The following TRPM3 variants were observed in gnomAD, a reference collection of about 807,000 sequenced individuals.
TRPM3 encodes transient receptor potential cation channel subfamily M member 3.
Under a neutral mutation model 181.2 loss-of-function variants are expected in TRPM3, and 77 were observed. The ratio of observed to expected loss-of-function variants is 0.42; its 90% CI spans 0.35 to 0.51. TRPM3 has a LOEUF of 0.51. TRPM3 is among the 20% of genes least tolerant of loss of function. TRPM3 has a pLI of 0.01. For synonymous variants in TRPM3, 745 were observed against 796.4 expected, an observed-to-expected ratio of 0.94 and a Z score of 1.09; for missense variants, 1,759 against 2,196.7, an observed-to-expected ratio of 0.80 and a Z score of 3.98.
At chr9:70,849,175 T>C (rs1018154420) in intron 3 of TRPM3, among the ~76,000 whole-genome samples, 6 of 152,140 alleles carry the variant, frequency 3.9e-5, no homozygotes, top group Non-Finnish European at 8.8e-5. Context: ...GATAGAGTCT[T>C]GCACTGTTGC....
intron 1 of TRPM3, among the ~76,000 whole-genome samples, chr9:71,035,982 C>CTTTTTTTTTTTT (rs35101881): frequency 1.0e-5 from 1 of 98,240 alleles, no homozygotes. Flanking sequence ...CAAACATAGG[C>CTTTTTTTTTTTT]TTTTTTTTTT....
At chr9:70,898,263 C>T (rs2096314383) in intron 1 of TRPM3, among the ~76,000 whole-genome samples, 2 of 149,842 alleles carry the variant, frequency 1.3e-5, no homozygotes, top group African/African-American at 2.4e-5. Context: ...GCTGGGACTA[C>T]AGGCGCCCGC....
intron 1 of TRPM3, among the ~76,000 whole-genome samples, chr9:71,049,077 C>A (rs973227747): frequency 6.6e-6 from 1 of 152,134 alleles, no homozygotes; most frequent in African/African-American, 2.4e-5. Flanking sequence ...CAAATGACTC[C>A]TCCCCCAGAG....
Position 71,020,641 on chromosome 9 carries a change from G to A in TRPM3, c.177+100537C>T, listed in dbSNP as rs577223672. 1.0e-3 allele frequency among the ~76,000 whole-genome samples: 158 copies of A among 152,232 alleles called. 4 individuals carry two copies. In the South Asian group the frequency reaches 0.032, roughly 30 times the overall value. On this transcript the variant is annotated intron_variant, in intron 1 of 25. Coordinates refer to ENST00000677713, the MANE Select transcript of TRPM3 (RefSeq NM_001366145.2). ...TATGAAAATGTATTCAATCTCATTA[G>A]TCATCAGGAAAATGCAAATTAAACC...
chr9:70,689,067 A>C (rs577817476), intron 8 of TRPM3, among the ~76,000 whole-genome samples: 24 of 152,192 alleles, frequency 1.6e-4, no homozygotes, highest in Non-Finnish European at 3.1e-4. Context: ...TAACATAGCA[A>C]AGTGAATGTG....
intron 1 of TRPM3, among the ~76,000 whole-genome samples, chr9:71,120,043 T>C (rs575618781): frequency 9.2e-5 from 14 of 152,318 alleles, no homozygotes; most frequent in Admixed American, 7.2e-4. Context: ...GGTAATACTC[T>C]GTTGTGAGGC....
At chr9:71,160,862 C>T (rs1468992521) in intron 1 of TRPM3, among the ~76,000 whole-genome samples, 1 of 152,152 alleles carries the variant, frequency 6.6e-6, no homozygotes, top group Non-Finnish European at 1.5e-5. Flanking sequence ...TGAGACTGGA[C>T]TGGACATAAT....
chr9:70,592,188 G>A (rs140323532), intron 21 of TRPM3, among the ~76,000 whole-genome samples: 1 of 152,122 alleles, frequency 6.6e-6, no homozygotes, highest in Non-Finnish European at 1.5e-5. Flanking sequence ...TTTATAAACA[G>A]TTTCTACCCA....
chr9:71,441,422 G>A (rs984780832), intron 1 of TRPM3, among the ~76,000 whole-genome samples: 16 of 152,114 alleles, frequency 1.1e-4, no homozygotes, highest in Admixed American at 7.9e-4. Flanking sequence ...TTCATCAGGA[G>A]AGCCCTTTGT....
intron 1 of TRPM3, among the ~76,000 whole-genome samples, chr9:70,933,455 G>C (rs1188450748): frequency 6.6e-6 from 1 of 152,088 alleles, no homozygotes; most frequent in African/African-American, 2.4e-5. Context: ...GAAAATAGAA[G>C]CCAAGAAAAG....
chr9:71,034,662 T>G (rs898948746), intron 1 of TRPM3, among the ~76,000 whole-genome samples: 3 of 151,984 alleles, frequency 2.0e-5, no homozygotes, highest in Non-Finnish European at 2.9e-5. Context: ...AATTCTGTGC[T>G]CAGTAACATC....
At chr9:70,812,994 T>G (rs562595477) in intron 6 of TRPM3, among the ~76,000 whole-genome samples, 2 of 152,162 alleles carry the variant, frequency 1.3e-5, no homozygotes, top group Non-Finnish European at 2.9e-5. Flanking sequence ...ACTAAGGTAG[T>G]GACACAAGGC....
intron 1 of TRPM3, among the ~76,000 whole-genome samples, chr9:71,189,431 T>C (rs1421257873): frequency 6.6e-6 from 1 of 151,926 alleles, no homozygotes; most frequent in Non-Finnish European, 1.5e-5. Context: ...CACGTGCATA[T>C]ACACCCATCC....
chr9:70,690,306 C>A (rs2068138844), intron 8 of TRPM3, among the ~76,000 whole-genome samples: 1 of 152,086 alleles, frequency 6.6e-6, no homozygotes, highest in Non-Finnish European at 1.5e-5. Flanking sequence ...AAAGAAAGTT[C>A]TTATCATCTA....
intron 22 of TRPM3, among the ~76,000 whole-genome samples, chr9:70,577,593 A>G (rs1185693140): frequency 2.6e-5 from 4 of 152,224 alleles, no homozygotes; most frequent in African/African-American, 9.6e-5. Context: ...AGCTTTTGTA[A>G]CACACTTGGT....
intron 9 of TRPM3, among the ~76,000 whole-genome samples, chr9:70,659,365 C>T (rs1449470393): frequency 6.6e-6 from 1 of 152,006 alleles, no homozygotes; most frequent in Non-Finnish European, 1.5e-5. Context: ...TATGTTGGGA[C>T]CTCAAGAGGA....
intron 1 of TRPM3, among the ~76,000 whole-genome samples, chr9:71,089,162 T>C (rs1447889096): frequency 2.7e-5 from 4 of 147,846 alleles, no homozygotes; most frequent in Non-Finnish European, 6.0e-5. Context: ...TTTTATATCA[T>C]ATATGAATAT....
intron 1 of TRPM3, among the ~76,000 whole-genome samples, chr9:71,024,384 G>T (rs1443119499): frequency 6.6e-6 from 1 of 151,874 alleles, no homozygotes; most frequent in Non-Finnish European, 1.5e-5. Context: ...AGAAGGAGAA[G>T]TAGTACTGGG....
intron 3 of TRPM3, among the ~76,000 whole-genome samples, chr9:70,856,044 G>A (rs982351623): frequency 2.6e-5 from 4 of 152,154 alleles, no homozygotes; most frequent in African/African-American, 9.7e-5. Context: ...ATGCTGACAA[G>A]CCACAACTCA....
Sources: gnomAD v4.1 joint callset for allele counts (sites outside exome capture counted in the v4.1 genomes callset) on GRCh38, gnomAD v4.1.1 for gene constraint, MANE v1.5 for transcripts, NCBI Gene and HGNC (gene_info 2026-07-23, HGNC 2026-07-21) for gene names.